IFT52: variants seen among roughly 807,000 people sequenced by gnomAD.
IFT52 encodes intraflagellar transport 52, also known as intraflagellar transport protein 52 homolog.
In IFT52, 44 loss-of-function variants were observed where a neutral mutation model predicts 54.4. That is an observed-to-expected ratio of 0.81 (90% CI 0.63 to 1.04). IFT52 has a LOEUF of 1.04. IFT52 is among the 50% of genes least tolerant of loss of function. The probability of loss-of-function intolerance (pLI) is 0.00; values close to 1 mark genes in which losing one functional copy is unlikely to be tolerated. For synonymous variants in IFT52, 181 were observed against 185.3 expected (o/e 0.98, Z 0.19); for missense variants, 452 against 523.6 (o/e 0.86, Z 1.33).
At chr20:43,627,106 G>A (rs1449790746) in intron 10 of IFT52, among the ~76,000 whole-genome samples, 1 of 151,900 alleles carries the variant, frequency 6.6e-6, no homozygotes, top group Non-Finnish European at 1.5e-5. Flanking sequence ...GGCAGAAGTT[G>A]CAGTGAGCCA....
At chr20:43,625,987 T>A (rs1253366688) in intron 10 of IFT52, among the ~76,000 whole-genome samples, 1 of 122,306 alleles carries the variant, frequency 8.2e-6, no homozygotes, top group Non-Finnish European at 1.6e-5. Context: ...AGTGACCCGC[T>A]CCAGCCTGGT....
intron 9 of IFT52, among the ~76,000 whole-genome samples, chr20:43,621,612 A>C (rs144583139): frequency 1.1e-3 from 167 of 152,250 alleles, no homozygotes; most frequent in Middle Eastern, 6.8e-3. Context: ...ACAGATGTGA[A>C]CCACCATGCC....
In IFT52 at chr20:43,636,026, G is replaced by T; in HGVS notation, c.1011+13G>T. 6.2e-7 allele frequency: 1 copy of T among 1,613,206 alleles called. No homozygotes were observed. Among genetic ancestry groups the T allele is most frequent in the Non-Finnish European group, 8.5e-7 (1 of 1,179,236 alleles). ...CCTTCAGCCTGCGGTGAGTAGGTGTGCTTGGGAGATCCCACTGCAGAGCCC... is the reference window on the plus strand; with the variant it reads ...CCTTCAGCCTGCGGTGAGTAGGTGTTCTTGGGAGATCCCACTGCAGAGCCC... On this transcript the variant is annotated intron_variant, in intron 11 of 13. Coordinates refer to ENST00000373030, the MANE Select transcript of IFT52 (RefSeq NM_016004.5).
At chr20:43,646,665 T>A (rs1388367742) in intron 13 of IFT52, among the ~76,000 whole-genome samples, 1 of 152,066 alleles carries the variant, frequency 6.6e-6, no homozygotes, top group Non-Finnish European at 1.5e-5. Context: ...GAGGCCAATA[T>A]AAGAAGTCTG....
At chr20:43,636,610 T>C (rs1985556407) in intron 11 of IFT52, among the ~76,000 whole-genome samples, 1 of 152,212 alleles carries the variant, frequency 6.6e-6, no homozygotes, top group African/African-American at 2.4e-5. Flanking sequence ...GTTAAACATT[T>C]ACCCGCATAC....
At chr20:43,592,522 C>T (rs1338307801) in intron 1 of IFT52, among the ~76,000 whole-genome samples, 5 of 150,730 alleles carry the variant, frequency 3.3e-5, no homozygotes, top group East Asian at 1.9e-4. Context: ...TGTGGTGAGC[C>T]GAGATCGTGC....
chr20:43,592,447 G>A (rs1486463874), intron 1 of IFT52, among the ~76,000 whole-genome samples: 1 of 151,930 alleles, frequency 6.6e-6, no homozygotes, highest in African/African-American at 2.4e-5. Context: ...GTGTTTGGGC[G>A]CCTGTAGTCC....
Position 43,603,697 on chromosome 20 carries a change from T to G in IFT52, c.208-63T>G, listed in dbSNP as rs1026106415. The G allele has an allele frequency of 3.4e-6, 5 of 1,460,380 alleles. No individual in the cohort carries two copies. The South Asian group carries it at 4.8e-5, about 14-fold the overall frequency. 90.5% of individuals were successfully genotyped at this position (1,460,380 alleles called of 1,614,324 possible). A position where few individuals can be genotyped will look rare whatever the true frequency, so the allele number is the denominator to read the frequency against. ...ATTTTTCATCTAGTTAAGGTCTTAT[T>G]CATGGTATTTCGGGCAAAAGTCTTT... is the stretch of plus-strand genomic sequence containing the variant. On this transcript the variant is annotated intron_variant, in intron 3 of 13. Coordinates refer to ENST00000373030, the MANE Select transcript of IFT52 (RefSeq NM_016004.5).
chr20:43,633,447 C>T (rs979341725), intron 10 of IFT52, among the ~76,000 whole-genome samples: 1 of 151,872 alleles, frequency 6.6e-6, no homozygotes, highest in Non-Finnish European at 1.5e-5. Flanking sequence ...CAGTGGCTCA[C>T]ACCTGTAATC....
At chr20:43,614,809 CTT>C (rs1037730877) in intron 7 of IFT52, among the ~76,000 whole-genome samples, 22 of 134,886 alleles carry the variant, frequency 1.6e-4, no homozygotes, top group African/African-American at 8.2e-5. Flanking sequence ...CTTTCTTTTT[CTT>C]TTTTTTTTTT....
intron 11 of IFT52, among the ~76,000 whole-genome samples, chr20:43,636,934 A>G (rs1449887353): frequency 1.3e-5 from 2 of 151,976 alleles, no homozygotes; most frequent in Non-Finnish European, 2.9e-5. Flanking sequence ...GAGTTTGGGT[A>G]TTTCATCCTC....
intron 3 of IFT52, among the ~76,000 whole-genome samples, chr20:43,597,242 A>G (rs1275767839): frequency 1.3e-5 from 2 of 151,614 alleles, no homozygotes; most frequent in South Asian, 4.2e-4. Context: ...GTGGTGGCGC[A>G]TTCCTGTAAT....
intron 7 of IFT52, among the ~76,000 whole-genome samples, chr20:43,618,512 C>T (rs1984027243): frequency 6.6e-6 from 1 of 151,630 alleles, no homozygotes; most frequent in African/African-American, 2.4e-5. Flanking sequence ...GATGGAGTCT[C>T]GCTCTGTTGC....
rs143853217 is a variant in IFT52, at chr20:43,593,331, G to A, written c.-6-1362G>A. ...AAATAGGATTGTGTGGAAACAGAAG[G>A]GTGTTAGTGGAAATATAAATGAGTA... is the stretch of plus-strand genomic sequence containing the variant. On this transcript the variant is annotated intron_variant, in intron 1 of 13. Coordinates refer to ENST00000373030, the MANE Select transcript of IFT52 (RefSeq NM_016004.5). Among the ~76,000 whole-genome samples, 581 of 152,254 alleles carry A rather than the reference G, an allele frequency of 3.8e-3. 4 individuals carry two copies. Among genetic ancestry groups the A allele is most frequent in the South Asian group, 0.012 (56 of 4,828 alleles).
In IFT52 at chr20:43,642,680, C is replaced by T. The variant is rs190007807; in HGVS notation, c.1266+56C>T. The T allele has an allele frequency of 1.8e-4, 276 of 1,536,162 alleles. 1 individual carries two copies. The East Asian group carries it at 4.6e-3, about 26-fold the overall frequency. On this transcript the variant is annotated intron_variant, in intron 13 of 13. Coordinates refer to ENST00000373030, the MANE Select transcript of IFT52 (RefSeq NM_016004.5). The stretch of plus-strand genomic sequence containing the variant: ...GAGCCCCTCCAGTACTGGTATCTTC[C>T]ATGGACTGTGCTTGCCATGTTTTAT...
chr20:43,611,284 T>C (rs1983424286), intron 6 of IFT52, among the ~76,000 whole-genome samples: 1 of 152,144 alleles, frequency 6.6e-6, no homozygotes, highest in Non-Finnish European at 1.5e-5. Context: ...GTGAAGCTTG[T>C]ATTCATCTTA....
intron 1 of IFT52, among the ~76,000 whole-genome samples, chr20:43,592,412 A>G (rs1433912628): frequency 6.6e-6 from 1 of 151,988 alleles, no homozygotes; most frequent in East Asian, 1.9e-4. Flanking sequence ...AAATGTTAAA[A>G]AATTACATCA....
intron 6 of IFT52, among the ~76,000 whole-genome samples, chr20:43,613,388 T>A (rs1330354563): frequency 6.6e-6 from 1 of 152,266 alleles, no homozygotes; most frequent in Non-Finnish European, 1.5e-5. Flanking sequence ...TACTTTCATG[T>A]TTTTTAAAAT....
At chr20:43,618,612 G>C (rs1299793266) in intron 7 of IFT52, among the ~76,000 whole-genome samples, 1 of 151,564 alleles carries the variant, frequency 6.6e-6, no homozygotes, top group African/African-American at 2.4e-5. Context: ...CTCCCGAGTA[G>C]CTGGGACTAC....
Sources: gnomAD v4.1 joint callset for allele counts (sites outside exome capture counted in the v4.1 genomes callset) on GRCh38, gnomAD v4.1.1 for gene constraint, MANE v1.5 for transcripts, NCBI Gene and HGNC (gene_info 2026-07-23, HGNC 2026-07-21) for gene names.